The following GNB1 variants were observed in gnomAD, a reference collection of about 807,000 sequenced individuals.
GNB1 encodes G protein subunit beta 1, also known as guanine nucleotide-binding protein G(I)/G(S)/G(T) subunit beta-1.
A neutral mutation model predicts 42.9 loss-of-function variants in GNB1; 2 were observed. That is an observed-to-expected ratio of 0.05 (90% confidence interval 0.02 to 0.15). The LOEUF is 0.15. Among genes scored for constraint, GNB1 ranks in the 10% least tolerant of loss-of-function variants. GNB1 has a pLI of 1.00. For synonymous variants in GNB1, 183 were observed against 174.7 expected (o/e 1.05, Z -0.38); for missense variants, 193 against 462.2 (o/e 0.42, Z 5.34).
intron 2 of GNB1, among the ~76,000 whole-genome samples, chr1:1,831,906 T>C (rs1398109929): frequency 1.3e-5 from 2 of 151,026 alleles, no homozygotes; most frequent in Non-Finnish European, 3.0e-5. Flanking sequence ...CTACTAAAAA[T>C]GCAAAAATTA....
chr1:1,857,756 G>A (rs1005726378), intron 1 of GNB1, among the ~76,000 whole-genome samples: 9 of 152,168 alleles, frequency 5.9e-5, no homozygotes, highest in African/African-American at 1.9e-4. Context: ...ACTTTATATA[G>A]ACTACATTTT....
intron 1 of GNB1, among the ~76,000 whole-genome samples, chr1:1,885,551 C>CTTTTTTTTTTTT (rs60651257): frequency 1.1e-5 from 1 of 94,060 alleles, no homozygotes; most frequent in African/African-American, 3.5e-5. Context: ...TCCACTTAAT[C>CTTTTTTTTTTTT]TTTTTTTTTT....
chr1:1,803,336 G>A (rs1031237777), intron 7 of GNB1, among the ~76,000 whole-genome samples: 3 of 152,142 alleles, frequency 2.0e-5, no homozygotes, highest in Non-Finnish European at 4.4e-5. Flanking sequence ...TCTCGCTTTC[G>A]CCCAGCCTGG....
intron 1 of GNB1, among the ~76,000 whole-genome samples, chr1:1,872,525 CTG>C (rs1312312298): frequency 6.6e-6 from 1 of 152,190 alleles, no homozygotes; most frequent in East Asian, 1.9e-4. Context: ...AGCTTTGCTC[CTG>C]TGTGCTGAGC....
At chr1:1,886,798 C>G (rs1490419357) in intron 1 of GNB1, among the ~76,000 whole-genome samples, 1 of 152,190 alleles carries the variant, frequency 6.6e-6, no homozygotes, top group South Asian at 2.1e-4. Context: ...CTCCCCCTCC[C>G]GGGTTCCTGC....
At chr1:1,841,472 GC>G (rs1647240940) in intron 1 of GNB1, among the ~76,000 whole-genome samples, 1 of 152,208 alleles carries the variant, frequency 6.6e-6, no homozygotes, top group Non-Finnish European at 1.5e-5. Flanking sequence ...GAGCCACTGA[GC>G]CTGGCCTGAT....
intron 1 of GNB1, among the ~76,000 whole-genome samples, chr1:1,856,937 T>C (rs575405428): frequency 7.2e-5 from 11 of 152,348 alleles, no homozygotes; most frequent in African/African-American, 2.6e-4. Flanking sequence ...AAAACAGTAA[T>C]ACCGTAAAGA....
chr1:1,884,481 G>C (rs771295533), intron 1 of GNB1, among the ~76,000 whole-genome samples: 12 of 152,044 alleles, frequency 7.9e-5, no homozygotes, highest in African/African-American at 2.9e-4. Context: ...CAAAGTGTTG[G>C]GTTTACAGGC....
chr1:1,823,068 C>T (rs1646953153), intron 3 of GNB1, among the ~76,000 whole-genome samples: 1 of 151,412 alleles, frequency 6.6e-6, no homozygotes, highest in South Asian at 2.1e-4. Context: ...CGGTGAAACC[C>T]CATCTCTACT....
At chr1:1,808,385 C>G (rs1358012340) in intron 5 of GNB1, among the ~76,000 whole-genome samples, 2 of 136,368 alleles carry the variant, frequency 1.5e-5, no homozygotes, top group Admixed American at 1.4e-4. Context: ...GAGCTCCATA[C>G]TACAAAGGAG....
At chr1:1,876,203 G>A (rs1323860483) in intron 1 of GNB1, among the ~76,000 whole-genome samples, 1 of 152,178 alleles carries the variant, frequency 6.6e-6, no homozygotes, top group Non-Finnish European at 1.5e-5. Context: ...GTGATGATTT[G>A]CTACAGCAGC....
intron 1 of GNB1, among the ~76,000 whole-genome samples, chr1:1,877,520 T>G (rs1649617186): frequency 6.6e-6 from 1 of 152,048 alleles, no homozygotes; most frequent in East Asian, 1.9e-4. Context: ...TTTTTAAAAA[T>G]AGAGACAGGG....
At chr1:1,815,915 C>A (rs1646847838) in intron 4 of GNB1, 53 bp from the exon 5 acceptor site, 1 of 1,078,914 alleles carries the variant, frequency 9.3e-7, no homozygotes, top group African/African-American at 1.5e-5. Context: ...AACGATTCTC[C>A]TCATCACCCA....
At chr1:1,796,680 G>A (rs149119127) in intron 7 of GNB1, among the ~76,000 whole-genome samples, 12 of 152,350 alleles carry the variant, frequency 7.9e-5, no homozygotes, top group African/African-American at 2.4e-4. Flanking sequence ...AGAGGGGCAG[G>A]GAAAACAGAC....
At chr1:1,809,422 A>G (rs1386901885) in intron 5 of GNB1, among the ~76,000 whole-genome samples, 1 of 152,156 alleles carries the variant, frequency 6.6e-6, no homozygotes, top group Non-Finnish European at 1.5e-5. Context: ...CTCGGCTGGG[A>G]TTACAGGCGT....
At chr1:1,842,390 C>A (rs1338683728) in intron 1 of GNB1, among the ~76,000 whole-genome samples, 1 of 151,600 alleles carries the variant, frequency 6.6e-6, no homozygotes, top group African/African-American at 2.4e-5. Flanking sequence ...AGGTTGCACC[C>A]CTGCACTCCA....
intron 7 of GNB1, among the ~76,000 whole-genome samples, chr1:1,803,162 T>C (rs1034724479): frequency 3.9e-5 from 6 of 152,220 alleles, no homozygotes; most frequent in South Asian, 2.1e-4. Flanking sequence ...GAACAAATAA[T>C]ACAGCCAGAG....
At chr1:1,834,992 T>A (rs950621811) in intron 2 of GNB1, among the ~76,000 whole-genome samples, 1 of 152,132 alleles carries the variant, frequency 6.6e-6, no homozygotes, top group Non-Finnish European at 1.5e-5. Context: ...ATAAGGGGCC[T>A]GGAAATCCTT....
rs943269814 is a variant in GNB1 at position 1,800,753 on chromosome 1, TAAAAA to T, written c.430+3661_430+3665del. On this transcript the variant is annotated intron_variant, in intron 7 of 11. Transcript: ENST00000378609. ...GCTAAAAACCAAATCTTTAGATTGTTAAAAAAAAAAAAAAAAAAGAAAAATAAATT... is the reference window on the plus strand; with the variant it reads ...GCTAAAAACCAAATCTTTAGATTGTTAAAAAAAAAAAAAGAAAAATAAATT... Among the ~76,000 whole-genome samples the T allele has an allele frequency of 6.7e-4, 77 of 115,322 alleles. 1 individual carries two copies. The highest frequency in any genetic ancestry group is 2.3e-3 in the African/African-American group (74 of 31,646). The allele number at this position is 115,322 out of a possible 152,430, so 75.7% of individuals were successfully genotyped here. A position where few individuals can be genotyped will look rare whatever the true frequency, so the allele number is the denominator to read the frequency against.
Sources: allele counts gnomAD v4.1 joint callset (sites outside exome capture counted in the v4.1 genomes callset), GRCh38; gene constraint gnomAD v4.1.1; transcripts MANE v1.5; gene names NCBI Gene and HGNC (gene_info 2026-07-23, HGNC 2026-07-21).